The following FABP12 variants were observed in gnomAD, a reference collection of about 807,000 sequenced individuals.
FABP12 encodes the protein fatty acid binding protein 12, also known as fatty acid-binding protein 12.
Under a neutral mutation model 13.7 loss-of-function variants are expected in FABP12, and 19 were observed. The observed-to-expected ratio is 1.39, with a 90% confidence interval of 0.97 to 2.04. The LOEUF (loss-of-function observed/expected upper bound fraction) is 2.04, where lower values mean the gene tolerates loss of function less well. Among genes scored for constraint, FABP12 ranks in the 30% most tolerant of loss-of-function variants. The probability of loss-of-function intolerance (pLI) is 0.00; values close to 1 mark genes in which losing one functional copy is unlikely to be tolerated. For missense variants in FABP12, 182 were observed against 164.2 expected (o/e 1.11, Z -0.59); for synonymous variants, 61 against 57.0 (o/e 1.07, Z -0.32).
intron 1 of FABP12, chr8:81,533,148 G>T (rs1206764438): frequency 5.3e-5 from 8 of 152,194 alleles, no homozygotes; most frequent in East Asian, 1.9e-4. Context: ...ACTTGCACAG[G>T]CGTCAGTACT....
upstream of FABP12, among the ~76,000 whole-genome samples, chr8:81,535,080 T>C (rs1809190112): frequency 6.6e-6 from 1 of 152,256 alleles, no homozygotes. Flanking sequence ...TGTATTAATC[T>C]GCACTAACAA....
chr8:81,542,119 A>G (rs1809360047), intron 1 of FABP12, among the ~76,000 whole-genome samples: 1 of 151,998 alleles, frequency 6.6e-6, no homozygotes, highest in African/African-American at 2.4e-5. Flanking sequence ...CAATTTGCTG[A>G]TGGAGTATTG....
chr8:81,556,155 G>A (rs1215033037), intron 1 of FABP12, among the ~76,000 whole-genome samples: 1 of 152,098 alleles, frequency 6.6e-6, no homozygotes, highest in African/African-American at 2.4e-5. Context: ...TAGTTGGCAA[G>A]TTTCATTCCT....
At chr8:81,573,359 GTA>G (rs1316673009) in intron 1 of FABP12, among the ~76,000 whole-genome samples, 1 of 152,114 alleles carries the variant, frequency 6.6e-6, no homozygotes, top group East Asian at 1.9e-4. Flanking sequence ...TGGCCTTATA[GTA>G]TAGTTTGAAA....
intron 1 of FABP12, among the ~76,000 whole-genome samples, 135 bp downstream of exon 1, chr8:81,533,667 A>G (rs1809146658): frequency 6.6e-6 from 1 of 152,168 alleles, no homozygotes; most frequent in Non-Finnish European, 1.5e-5. Flanking sequence ...TACATTAAAC[A>G]TGCTCAGGTT....
At position 81,525,431 on chromosome 8, in the gene FABP12, A is replaced by C. The variant is rs536662949; in HGVS notation, c.349-311T>G. 7.2e-5 allele frequency among the ~76,000 whole-genome samples: 11 copies of C among 151,896 alleles called. No individual in the cohort carries two copies. The South Asian group carries it at 2.1e-3, about 29-fold the overall frequency. On this transcript the variant is annotated intron_variant, in intron 4 of 4. Transcript: ENST00000360464. ...CTCAGAAGGCTGAGGCAGGAGAATCACTTGAACCTGGGAGGTGGATGTTGC... is the reference window on the plus strand; with the variant it reads ...CTCAGAAGGCTGAGGCAGGAGAATCCCTTGAACCTGGGAGGTGGATGTTGC...
chr8:81,527,922 G>A (rs112488623), intron 3 of FABP12, among the ~76,000 whole-genome samples: 2,606 of 151,900 alleles, frequency 0.017, 70 homozygotes, highest in African/African-American at 0.06. Flanking sequence ...TTGTACCACC[G>A]CACTCCAGCC....
chr8:81,588,508 T>A (rs957848199), intron 1 of FABP12, among the ~76,000 whole-genome samples: 2 of 152,268 alleles, frequency 1.3e-5, no homozygotes, highest in Non-Finnish European at 2.9e-5. Context: ...TTTTGTATAC[T>A]GCAACTTTAC....
Position 81,528,316 on chromosome 8 carries a change from C to A in FABP12, c.246+1122G>T, listed in dbSNP as rs528068491. On this transcript the variant is annotated intron_variant, in intron 3 of 4. Transcript: ENST00000360464. ...CTGGTCGTAGACTCCTGGCATCAAG[C>A]AATCCTCCTGTTTTGGCCTCCCAAA... Among the ~76,000 whole-genome samples, 33 of 152,152 alleles carry A rather than the reference C, an allele frequency of 2.2e-4. 1 individual carries two copies. The South Asian group carries it at 5.6e-3, about 26-fold the overall frequency.
At chr8:81,586,941 C>A (rs1015730353) in intron 1 of FABP12, among the ~76,000 whole-genome samples, 4 of 152,144 alleles carry the variant, frequency 2.6e-5, no homozygotes, top group Non-Finnish European at 5.9e-5. Flanking sequence ...ACATTTAAGT[C>A]TTTAATCTCT....
exon 2 of FABP12, chr8:81,531,321 CTGAGA>C (rs1341592673): frequency 4.4e-6 from 7 of 1,592,792 alleles, no homozygotes; most frequent in Non-Finnish European, 4.3e-6. Context: ...ATCATTCTGT[CTGAGA>C]TAAGTTGATC....
At chr8:81,578,019 G>A (rs984206972) in intron 1 of FABP12, among the ~76,000 whole-genome samples, 1 of 152,186 alleles carries the variant, frequency 6.6e-6, no homozygotes, top group Non-Finnish European at 1.5e-5. Flanking sequence ...ATGGAAGGTT[G>A]ATTGTGGTAT....
intron 1 of FABP12, among the ~76,000 whole-genome samples, chr8:81,556,049 C>G (rs1563551139): frequency 6.6e-6 from 1 of 151,932 alleles, no homozygotes; most frequent in African/African-American, 2.4e-5. Context: ...ACAAAATGTG[C>G]CACAAACACA....
intron 1 of FABP12, among the ~76,000 whole-genome samples, chr8:81,547,281 C>A (rs1250782197): frequency 2.0e-5 from 3 of 152,194 alleles, no homozygotes; most frequent in Non-Finnish European, 4.4e-5. Context: ...ATACACACCA[C>A]AGACAAATGA....
intron 1 of FABP12, among the ~76,000 whole-genome samples, chr8:81,547,272 T>C (rs1302459586): frequency 2.6e-5 from 4 of 152,226 alleles, no homozygotes; most frequent in Non-Finnish European, 4.4e-5. Flanking sequence ...AGTTCACACA[T>C]ACACACCACA....
At chr8:81,529,238 C>T in intron 3 of FABP12, 200 bp downstream of exon 3, 1 of 610,626 alleles carries the variant, frequency 1.6e-6, no homozygotes, top group Non-Finnish European at 2.9e-6. Context: ...TTTTCAGGGC[C>T]TCTGGCAGTG....
intron 1 of FABP12, among the ~76,000 whole-genome samples, chr8:81,541,984 G>A (rs1015797240): frequency 1.4e-5 from 2 of 143,170 alleles, no homozygotes; most frequent in African/African-American, 5.1e-5. Context: ...TAGAGGTAAT[G>A]TCTAGGAGCC....
chr8:81,558,367 G>A (rs945821740), intron 1 of FABP12, among the ~76,000 whole-genome samples: 1 of 152,128 alleles, frequency 6.6e-6, no homozygotes, highest in African/African-American at 2.4e-5. Flanking sequence ...TGAGCAATTT[G>A]CAGGTCTAGG....
intron 3 of FABP12, among the ~76,000 whole-genome samples, chr8:81,529,076 G>A (rs139715451): frequency 3.4e-4 from 52 of 152,224 alleles, no homozygotes; most frequent in African/African-American, 1.0e-3. Flanking sequence ...CAGCTAATAC[G>A]AGGTTTATTC....
Sources: gnomAD v4.1 joint callset for allele counts (sites outside exome capture counted in the v4.1 genomes callset) on GRCh38, gnomAD v4.1.1 for gene constraint, MANE v1.5 for transcripts, NCBI Gene and HGNC (gene_info 2026-07-23, HGNC 2026-07-21) for gene names.